Variants in CDYL observed in about 807,000 individuals in gnomAD.
CDYL encodes chromodomain Y-like protein.
In CDYL, 8 loss-of-function variants were observed where a neutral mutation model predicts 47.3. The ratio of observed to expected loss-of-function variants is 0.17; its 90% CI spans 0.10 to 0.31. The LOEUF is 0.31. Ranked by LOEUF, CDYL falls within the 10% of genes least tolerant of loss-of-function variation. The pLI is 1.00. For missense variants in CDYL, 471 were observed against 701.4 expected (o/e 0.67, Z 3.71); for synonymous variants, 266 against 265.0 (o/e 1.00, Z -0.04).
chr6:4,950,548 G>A (rs927226036), intron 5 of CDYL, among the ~76,000 whole-genome samples: 4 of 152,190 alleles, frequency 2.6e-5, no homozygotes, highest in African/African-American at 9.7e-5. Context: ...TCACAGTAAG[G>A]TCGGGTCGCG....
At chr6:4,921,170 G>T (rs564695774) in intron 2 of CDYL, among the ~76,000 whole-genome samples, 2 of 152,280 alleles carry the variant, frequency 1.3e-5, no homozygotes, top group African/African-American at 4.8e-5. Flanking sequence ...GACAGAGATG[G>T]GTGTGTTTTA....
intron 1 of CDYL, among the ~76,000 whole-genome samples, chr6:4,707,130 C>A (rs1757061315): frequency 6.6e-6 from 1 of 152,094 alleles, no homozygotes; most frequent in African/African-American, 2.4e-5. Context: ...ACATTGCACA[C>A]AATACTTTAT....
At chr6:4,764,192 T>C (rs1157965623) in intron 3 of CDYL, among the ~76,000 whole-genome samples, 1 of 152,202 alleles carries the variant, frequency 6.6e-6, no homozygotes, top group African/African-American at 2.4e-5. Flanking sequence ...AAGAGACATG[T>C]AAAACTTAAG....
chr6:4,768,914 C>G (rs1758295772), intron 3 of CDYL, among the ~76,000 whole-genome samples: 1 of 152,048 alleles, frequency 6.6e-6, no homozygotes, highest in Non-Finnish European at 1.5e-5. Flanking sequence ...CTTCCTCCCC[C>G]AAACACAAAA....
chr6:4,719,866 CAG>C (rs1257097823), intron 2 of CDYL, among the ~76,000 whole-genome samples: 1 of 152,120 alleles, frequency 6.6e-6, no homozygotes, highest in Admixed American at 6.5e-5. Flanking sequence ...GGCCATTACA[CAG>C]AAAAAAACTT....
At chr6:4,843,695 TATTTATTTC>T (rs1242369503) in intron 1 of CDYL, among the ~76,000 whole-genome samples, 1 of 152,138 alleles carries the variant, frequency 6.6e-6, no homozygotes, top group Non-Finnish European at 1.5e-5. Flanking sequence ...TTATTTATGC[TATTTATTTC>T]ACTGAAGATT....
intron 1 of CDYL, among the ~76,000 whole-genome samples, chr6:4,709,007 A>T (rs879447671): frequency 6.6e-5 from 10 of 151,952 alleles, no homozygotes; most frequent in African/African-American, 1.2e-4. Context: ...ACCCTGTCTT[A>T]AAAAAAATAA....
At chr6:4,851,982 G>GA (rs1452008807) in intron 1 of CDYL, among the ~76,000 whole-genome samples, 1 of 151,846 alleles carries the variant, frequency 6.6e-6, no homozygotes, top group Non-Finnish European at 1.5e-5. Flanking sequence ...GTGACTTTTT[G>GA]AAGTAACCAG....
chr6:4,894,099 G>A (rs1762128618), intron 2 of CDYL, among the ~76,000 whole-genome samples: 1 of 152,212 alleles, frequency 6.6e-6, no homozygotes, highest in Non-Finnish European at 1.5e-5. Flanking sequence ...TTAGTTGTAT[G>A]TGAGGGATCA....
chr6:4,944,196 T>A (rs994819080), intron 5 of CDYL, among the ~76,000 whole-genome samples: 1 of 152,234 alleles, frequency 6.6e-6, no homozygotes, highest in African/African-American at 2.4e-5. Context: ...TTTGTGTTTG[T>A]ATTGTAGCTT....
At chr6:4,923,333 C>G (rs1466538555) in intron 2 of CDYL, among the ~76,000 whole-genome samples, 1 of 152,148 alleles carries the variant, frequency 6.6e-6, no homozygotes, top group Non-Finnish European at 1.5e-5. Flanking sequence ...TCTTAATGTG[C>G]CTGGCTTCGT....
chr6:4,911,349 T>G (rs934251707), intron 2 of CDYL, among the ~76,000 whole-genome samples: 1 of 152,248 alleles, frequency 6.6e-6, no homozygotes, highest in African/African-American at 2.4e-5. Flanking sequence ...AGTGTGCTGA[T>G]GAGTCAGATC....
At chr6:4,920,346 A>T (rs1212665346) in intron 2 of CDYL, among the ~76,000 whole-genome samples, 1 of 152,230 alleles carries the variant, frequency 6.6e-6, no homozygotes, top group Non-Finnish European at 1.5e-5. Flanking sequence ...ACAATAAAAA[A>T]TGCTCTAGAT....
At chr6:4,945,842 A>T (rs1398649295) in intron 5 of CDYL, among the ~76,000 whole-genome samples, 1 of 152,196 alleles carries the variant, frequency 6.6e-6, no homozygotes, top group Non-Finnish European at 1.5e-5. Flanking sequence ...CTTTGCTGTG[A>T]GGCTGGTGTT....
intron 3 of CDYL, among the ~76,000 whole-genome samples, chr6:4,768,646 C>A (rs1758291713): frequency 6.6e-6 from 1 of 152,128 alleles, no homozygotes; most frequent in Non-Finnish European, 1.5e-5. Context: ...ATTGTAGATA[C>A]TTTTTGTAGA....
At chr6:4,716,156 G>A (rs768964145) in intron 2 of CDYL, among the ~76,000 whole-genome samples, 1 of 151,758 alleles carries the variant, frequency 6.6e-6, no homozygotes, top group Non-Finnish European at 1.5e-5. Context: ...GCTGAGGCAG[G>A]AGAATGGCGT....
intron 2 of CDYL, among the ~76,000 whole-genome samples, chr6:4,913,775 C>T (rs1415152767): frequency 6.6e-6 from 1 of 152,220 alleles, no homozygotes; most frequent in East Asian, 1.9e-4. Flanking sequence ...TACTTAACTC[C>T]ACTATTGTAG....
At chr6:4,737,771 C>T (rs1255101733) in intron 3 of CDYL, among the ~76,000 whole-genome samples, 1 of 152,078 alleles carries the variant, frequency 6.6e-6, no homozygotes, top group Admixed American at 6.5e-5. Context: ...ATGATCCACC[C>T]ACTTTGGCCT....
intron 1 of CDYL, among the ~76,000 whole-genome samples, chr6:4,871,433 A>G (rs571651833): frequency 4.2e-4 from 64 of 152,268 alleles, no homozygotes; most frequent in Non-Finnish European, 6.9e-4. Context: ...TGATTGTTCA[A>G]CCCGTACTAT....
Sources: allele counts gnomAD v4.1 joint callset (sites outside exome capture counted in the v4.1 genomes callset), GRCh38; gene constraint gnomAD v4.1.1; transcripts MANE v1.5; gene names NCBI Gene and HGNC (gene_info 2026-07-23, HGNC 2026-07-21).